Variants in CBL observed in about 807,000 individuals in gnomAD.
CBL encodes E3 ubiquitin-protein ligase CBL.
CBL carries 45 observed loss-of-function variants against 96.9 expected under a neutral mutation model. That is an observed-to-expected ratio of 0.46 (90% confidence interval 0.37 to 0.60). CBL has a LOEUF of 0.60. Ranked by LOEUF, CBL falls within the 20% of genes least tolerant of loss-of-function variation. The probability of loss-of-function intolerance (pLI) is 0.00; values close to 1 mark genes in which losing one functional copy is unlikely to be tolerated. For missense variants in CBL, 1,024 were observed against 1,143.5 expected (o/e 0.90, Z 1.51); for synonymous variants, 420 against 426.8 (o/e 0.98, Z 0.20).
At chr11:119,224,634 A>T (rs578049448) in intron 1 of CBL, among the ~76,000 whole-genome samples, 57 of 152,196 alleles carry the variant, frequency 3.7e-4, no homozygotes, top group African/African-American at 1.3e-3. Context: ...CTCTGTCGCC[A>T]GGCTGGAGTG....
chr11:119,280,811 TTA>T (rs1949928150), intron 9 of CBL, among the ~76,000 whole-genome samples: 1 of 152,282 alleles, frequency 6.6e-6, no homozygotes, highest in South Asian at 2.1e-4. Flanking sequence ...TTTAGGTCTC[TTA>T]TATCTCCCTC....
chr11:119,262,059 A>G (rs969145229), intron 2 of CBL, among the ~76,000 whole-genome samples: 6 of 152,232 alleles, frequency 3.9e-5, no homozygotes, highest in African/African-American at 1.4e-4. Flanking sequence ...GCAAACACTA[A>G]GTGATCGAGT....
At chr11:119,219,911 G>A (rs1196961635) in intron 1 of CBL, among the ~76,000 whole-genome samples, 15 of 149,190 alleles carry the variant, frequency 1.0e-4, no homozygotes, top group Non-Finnish European at 2.1e-4. Context: ...GTGCAGTGGC[G>A]TGATCTCGGC....
intron 12 of CBL, 78 bp from the exon 13 acceptor site, chr11:119,296,840 T>C: frequency 1.3e-6 from 1 of 768,300 alleles, no homozygotes; most frequent in Non-Finnish European, 2.3e-6. Context: ...TTATGTCTGT[T>C]TTTAAGCCAT....
At chr11:119,229,422 T>C (rs978110661) in intron 1 of CBL, among the ~76,000 whole-genome samples, 5 of 152,190 alleles carry the variant, frequency 3.3e-5, no homozygotes, top group African/African-American at 1.2e-4. Context: ...CCAAATGTTT[T>C]TGTTGATTCA....
Position 119,302,851 on chromosome 11 carries a change from G to A in CBL, c.*3070G>A, listed in dbSNP as rs767431754. The A allele has an allele frequency of 3.5e-5, 8 of 230,528 alleles. No homozygotes were observed. Among genetic ancestry groups the A allele is most frequent in the South Asian group, 1.8e-4 (1 of 5,506 alleles). The allele number at this position is 230,528 out of a possible 1,614,324, so 14.3% of individuals were successfully genotyped here. ...TAGTGCTCTCTACCTGTGGGTGGCC[G>A]TTCTCTTCCACTTGCTCGTCTCCCC... On this transcript the variant is annotated 3_prime_UTR_variant, in exon 16 of 16. Coordinates refer to ENST00000264033, the MANE Select transcript of CBL (RefSeq NM_005188.4).
intron 2 of CBL, among the ~76,000 whole-genome samples, chr11:119,236,031 AG>A (rs1949543233): frequency 7.9e-5 from 12 of 152,058 alleles, no homozygotes; most frequent in Admixed American, 7.9e-4. Context: ...GATTACTTAG[AG>A]GTTTTTTTTT....
intron 12 of CBL, among the ~76,000 whole-genome samples, chr11:119,294,727 G>T (rs1035588691): frequency 6.6e-6 from 1 of 151,658 alleles, no homozygotes; most frequent in African/African-American, 2.4e-5. Context: ...GAAGGCAGAG[G>T]TTGCAGTGAG....
rs974767288 is a variant in CBL, at chr11:119,248,086, A to G, written c.443+15391A>G. On this transcript the variant is annotated intron_variant, in intron 2 of 15. Coordinates refer to ENST00000264033, the MANE Select transcript of CBL (RefSeq NM_005188.4). ...TACACAGTCATTGCAATACCTATCA[A>G]AATTCCAGTAGCACTTTTTTCAGAA... Among the ~76,000 whole-genome samples, 7 of 152,188 alleles carry G rather than the reference A, an allele frequency of 4.6e-5. No individual in the cohort carries two copies. In the East Asian group the frequency reaches 9.6e-4, roughly 21 times the overall value.
At chr11:119,222,266 C>T (rs1320809562) in intron 1 of CBL, among the ~76,000 whole-genome samples, 5 of 152,212 alleles carry the variant, frequency 3.3e-5, no homozygotes, top group Non-Finnish European at 1.5e-5. Flanking sequence ...TTCACAACAG[C>T]ATTAGGCTTA....
Position 119,303,053 on chromosome 11 carries a change from T to C in CBL, c.*3272T>C, listed in dbSNP as rs148606028. ...GTCACTGTTCATCACTCTTAAAATATGTGTTTTCTCTATAGAAAAGTAAAA... is the reference window on the plus strand; with the variant it reads ...GTCACTGTTCATCACTCTTAAAATACGTGTTTTCTCTATAGAAAAGTAAAA... On this transcript the variant is annotated 3_prime_UTR_variant, in exon 16 of 16. Coordinates refer to ENST00000264033, the MANE Select transcript of CBL (RefSeq NM_005188.4). 19 of 230,558 alleles carry C rather than the reference T, an allele frequency of 8.2e-5. No individual in the cohort carries two copies. The highest frequency in any genetic ancestry group is 1.8e-4 in the South Asian group (1 of 5,498). The allele number at this position is 230,558 out of a possible 1,614,324, so 14.3% of individuals were successfully genotyped here. A position where few individuals can be genotyped will look rare whatever the true frequency, so the allele number is the denominator to read the frequency against.
intron 1 of CBL, among the ~76,000 whole-genome samples, chr11:119,221,446 A>G (rs1361185746): frequency 6.6e-6 from 1 of 152,012 alleles, no homozygotes; most frequent in Admixed American, 6.6e-5. Context: ...TTGTCTTTGA[A>G]AAACAGTCAT....
chr11:119,273,491 C>G (rs1271556898), intron 3 of CBL, among the ~76,000 whole-genome samples: 1 of 152,218 alleles, frequency 6.6e-6, no homozygotes, highest in Non-Finnish European at 1.5e-5. Context: ...GTGGCACGAT[C>G]TCACTTGCAA....
intron 15 of CBL, among the ~76,000 whole-genome samples, chr11:119,298,873 A>G (rs913586140): frequency 3.3e-5 from 5 of 152,166 alleles, no homozygotes; most frequent in Admixed American, 3.3e-4. Flanking sequence ...GCTCTGTTCC[A>G]TTGGAAAGAA....
At chr11:119,217,697 T>G (rs561345741) in intron 1 of CBL, among the ~76,000 whole-genome samples, 1 of 152,114 alleles carries the variant, frequency 6.6e-6, no homozygotes, top group Non-Finnish European at 1.5e-5. Flanking sequence ...ATTTTTTTTT[T>G]AAATAAATGG....
Position 119,278,170 on chromosome 11 carries a change from A to G in CBL, c.1100A>G (p.Gln367Arg), listed in dbSNP as rs267606704. 2 of 1,596,622 alleles carry G rather than the reference A, an allele frequency of 1.3e-6. No homozygotes were observed. The highest frequency in any genetic ancestry group is 8.6e-7 in the Non-Finnish European group (1 of 1,164,286). Residue 367 changes from glutamine to arginine, a missense_variant, in exon 8 of 16, where the codon CAA becomes CGA. By Grantham distance (43) the Gln-to-Arg change is conservative. Around this residue, in one of 4 missense-constraint regions of CBL, gnomAD observed 695 missense variants for 661.6 expected, o/e 1.05. Transcript: ENST00000264033. ...PQDHIKVTQEQYELYCEMGST... is the reference protein window; with the variant it reads ...PQDHIKVTQERYELYCEMGST... ...TTTAATTTTTTTTAATCAAAGGAAC[A>G]ATATGAATTATACTGTGAGATGGGC...
chr11:119,297,864 TG>T lies in CBL; in HGVS notation c.2251+384del, dbSNP rs140955042. Among the ~76,000 whole-genome samples the T allele has an allele frequency of 5.4e-4, 82 of 152,334 alleles. 1 individual carries two copies. In the East Asian group the frequency reaches 0.013, roughly 23 times the overall value. ...TGCTGGTTCCTTTTGTGCTTTTCTT[TG>T]TCCTTCCAGGGCCTAGAGACATTTG... On this transcript the variant is annotated intron_variant, in intron 14 of 15. Coordinates refer to ENST00000264033, the MANE Select transcript of CBL (RefSeq NM_005188.4).
chr11:119,242,314 G>A (rs1056118745), intron 2 of CBL, among the ~76,000 whole-genome samples: 9 of 151,848 alleles, frequency 5.9e-5, no homozygotes, highest in Non-Finnish European at 1.0e-4. Flanking sequence ...AGGCCAAGGC[G>A]TTGGATCACC....
At chr11:119,270,436 A>ATATATT (rs1565870008) in intron 2 of CBL, among the ~76,000 whole-genome samples, 22 of 38,668 alleles carry the variant, frequency 5.7e-4, no homozygotes, top group Non-Finnish European at 9.1e-4. Flanking sequence ...ATATATATAT[A>ATATATT]TTTTTTTTTT....
Sources: gnomAD v4.1 joint callset for allele counts (sites outside exome capture counted in the v4.1 genomes callset) on GRCh38, gnomAD v4.1.1 for gene constraint, gnomAD v4.1.1 regional missense constraint, MANE v1.5 for transcripts, NCBI Gene and HGNC (gene_info 2026-07-23, HGNC 2026-07-21) for gene names.